TENM4: variants seen among roughly 807,000 people sequenced by gnomAD.
TENM4 encodes teneurin transmembrane protein 4.
TENM4 carries 82 observed loss-of-function variants against 243.3 expected under a neutral mutation model. That is an observed-to-expected ratio of 0.34 (90% CI 0.28 to 0.40). TENM4 has a LOEUF of 0.40. Ranked by LOEUF, TENM4 falls within the 10% of genes least tolerant of loss-of-function variation. The pLI, the probability that TENM4 is intolerant of heterozygous loss-of-function variation, is 1.00. For synonymous variants in TENM4, 1,412 were observed against 1,456.3 expected (o/e 0.97, Z 0.69); for missense variants, 3,138 against 3,673.3 (o/e 0.85, Z 3.77).
chr11:79,045,779 T>C (rs559681747), intron 6 of TENM4, among the ~76,000 whole-genome samples: 1 of 151,976 alleles, frequency 6.6e-6, no homozygotes, highest in East Asian at 1.9e-4. Flanking sequence ...CTTATCTTAG[T>C]GGGAAGAAAG....
rs903156511 is a variant in TENM4, at chr11:79,301,312, G to T, written c.-320-3769C>A. Among the ~76,000 whole-genome samples the T allele has an allele frequency of 2.0e-5, 3 of 152,070 alleles. No homozygotes were observed. The South Asian group carries it at 6.2e-4, about 32-fold the overall frequency. On this transcript the variant is annotated intron_variant, in intron 1 of 33. Coordinates refer to ENST00000278550, the MANE Select transcript of TENM4 (RefSeq NM_001098816.3). ...TCGGGTATTGCAGATACATCCATCT[G>T]CCCCACAGTCTCTGTAATTGAGCCA...
chr11:79,385,932 T>C (rs944912008), intron 1 of TENM4, among the ~76,000 whole-genome samples: 2 of 152,184 alleles, frequency 1.3e-5, no homozygotes, highest in South Asian at 2.1e-4. Context: ...TGTGTCTCTA[T>C]TAAACAGCAC....
intron 32 of TENM4, among the ~76,000 whole-genome samples, chr11:78,662,835 C>T (rs1215585021): frequency 6.6e-6 from 1 of 152,314 alleles, no homozygotes; most frequent in Admixed American, 6.5e-5. Context: ...AAGGCGGAAG[C>T]CTTTCATTTA....
At chr11:79,164,357 T>TATAGGTACTAG (rs1862854472) in intron 3 of TENM4, among the ~76,000 whole-genome samples, 1 of 82,060 alleles carries the variant, frequency 1.2e-5, no homozygotes, top group Non-Finnish European at 2.8e-5. Context: ...ATAGATACTA[T>TATAGGTACTAG]ATATACTATA....
At chr11:79,286,777 C>G (rs1856262232) in intron 2 of TENM4, among the ~76,000 whole-genome samples, 1 of 152,176 alleles carries the variant, frequency 6.6e-6, no homozygotes, top group Non-Finnish European at 1.5e-5. Context: ...TTCTAATTTT[C>G]TTTCATCTTC....
chr11:79,006,338 A>G (rs1169838813), intron 6 of TENM4, among the ~76,000 whole-genome samples: 1 of 152,206 alleles, frequency 6.6e-6, no homozygotes, highest in Non-Finnish European at 1.5e-5. Flanking sequence ...GAAACTATAA[A>G]GATGGAGTAT....
At chr11:79,249,356 A>T (rs1166606045) in intron 2 of TENM4, among the ~76,000 whole-genome samples, 1 of 152,182 alleles carries the variant, frequency 6.6e-6, no homozygotes, top group Non-Finnish European at 1.5e-5. Flanking sequence ...TGTAATTCCA[A>T]ATCTAGCCCA....
chr11:79,088,615 A>AG, intron 4 of TENM4, among the ~76,000 whole-genome samples: 2 of 152,342 alleles, frequency 1.3e-5, no homozygotes, highest in Middle Eastern at 3.4e-3. Context: ...AGCTTAGAAC[A>AG]GGCTTCGCAC....
chr11:78,724,225 C>A (rs1273887487), intron 23 of TENM4, among the ~76,000 whole-genome samples: 1 of 152,122 alleles, frequency 6.6e-6, no homozygotes, highest in Non-Finnish European at 1.5e-5. Flanking sequence ...GCTGGGACCA[C>A]AAGCATGTGC....
rs141916439 is a variant in TENM4 at position 78,707,571 on chromosome 11, C to T, written c.4209+790G>A. Among the ~76,000 whole-genome samples, 5 of 152,342 alleles carry T rather than the reference C, an allele frequency of 3.3e-5. 1 individual carries two copies. Among genetic ancestry groups the T allele is most frequent in the Admixed American group, 2.6e-4 (4 of 15,304 alleles). ...ATTTTCCACTATTCTTTGAGTGTACCAGCCTCATTAACATCTTTGTGCCTT... is the reference window on the plus strand; with the variant it reads ...ATTTTCCACTATTCTTTGAGTGTACTAGCCTCATTAACATCTTTGTGCCTT... On this transcript the variant is annotated intron_variant, in intron 27 of 33. Transcript: ENST00000278550.
At chr11:79,077,800 A>T (rs761342664) in intron 4 of TENM4, among the ~76,000 whole-genome samples, 5 of 152,236 alleles carry the variant, frequency 3.3e-5, no homozygotes, top group Non-Finnish European at 7.3e-5. Flanking sequence ...TGGTAAATGT[A>T]AGTGGACAGT....
At chr11:78,806,707 C>T (rs1857396316) in intron 14 of TENM4, among the ~76,000 whole-genome samples, 1 of 152,180 alleles carries the variant, frequency 6.6e-6, no homozygotes, top group Non-Finnish European at 1.5e-5. Context: ...AATACACATA[C>T]ATAAAATTTA....
chr11:79,237,084 G>C (rs1590816689), intron 2 of TENM4, among the ~76,000 whole-genome samples: 1 of 152,148 alleles, frequency 6.6e-6, no homozygotes, highest in Non-Finnish European at 1.5e-5. Flanking sequence ...ATCCTTTTCT[G>C]TTTAAACTAG....
At chr11:79,036,588 G>C (rs1859384955) in intron 6 of TENM4, among the ~76,000 whole-genome samples, 1 of 152,182 alleles carries the variant, frequency 6.6e-6, no homozygotes, top group African/African-American at 2.4e-5. Flanking sequence ...CCCTAAGTGG[G>C]GAAAAAAGCC....
chr11:79,345,179 A>G (rs1273228926), intron 1 of TENM4, among the ~76,000 whole-genome samples: 2 of 152,222 alleles, frequency 1.3e-5, no homozygotes, highest in East Asian at 3.8e-4. Context: ...TCTCAATTCT[A>G]TTCTCTGAAC....
At chr11:79,247,943 C>A (rs938115605) in intron 2 of TENM4, among the ~76,000 whole-genome samples, 2 of 152,264 alleles carry the variant, frequency 1.3e-5, no homozygotes, top group South Asian at 2.1e-4. Flanking sequence ...ATAGAGTAGC[C>A]CTTGCCTGTG....
intron 27 of TENM4, among the ~76,000 whole-genome samples, chr11:78,706,524 A>G (rs1239745985): frequency 6.6e-6 from 1 of 152,180 alleles, no homozygotes; most frequent in East Asian, 1.9e-4. Context: ...GTGTCTGTAA[A>G]ATAGATGCCA....
chr11:78,963,910 T>G (rs753255913), intron 6 of TENM4, among the ~76,000 whole-genome samples: 2 of 151,416 alleles, frequency 1.3e-5, no homozygotes, highest in African/African-American at 4.9e-5. Flanking sequence ...TTTCTTTTTT[T>G]GTATTTTTAG....
intron 32 of TENM4, among the ~76,000 whole-genome samples, chr11:78,662,667 GGAAAT>G: frequency 6.6e-6 from 1 of 152,282 alleles, no homozygotes; most frequent in Non-Finnish European, 1.5e-5. Flanking sequence ...CAAGACATGA[GGAAAT>G]GAAGAGGACC....
Sources: gnomAD v4.1 joint callset for allele counts (sites outside exome capture counted in the v4.1 genomes callset) on GRCh38, gnomAD v4.1.1 for gene constraint, MANE v1.5 for transcripts, NCBI Gene and HGNC (gene_info 2026-07-23, HGNC 2026-07-21) for gene names.